The following FAM76A variants were observed in gnomAD, a reference collection of about 807,000 sequenced individuals.
FAM76A encodes the protein family with sequence similarity 76 member A.
Under a neutral mutation model 46.2 loss-of-function variants are expected in FAM76A, and 32 were observed. The ratio of observed to expected loss-of-function variants is 0.69; its 90% CI spans 0.52 to 0.93. FAM76A has a LOEUF of 0.93. Among genes scored for constraint, FAM76A ranks in the 40% least tolerant of loss-of-function variants. The pLI is 0.00. For missense variants in FAM76A, 274 were observed against 361.5 expected (o/e 0.76, Z 1.96); for synonymous variants, 137 against 127.0 (o/e 1.08, Z -0.53).
At chr1:27,733,271 A>G (rs1020855782) in intron 3 of FAM76A, among the ~76,000 whole-genome samples, 2 of 152,170 alleles carry the variant, frequency 1.3e-5, no homozygotes, top group Admixed American at 6.5e-5. Flanking sequence ...GTTTGGTAAC[A>G]GTTGACTAGT....
intron 7 of FAM76A, among the ~76,000 whole-genome samples, chr1:27,757,714 T>C (rs148114870): frequency 0.012 from 1,754 of 151,376 alleles, 19 homozygotes; most frequent in African/African-American, 0.034. Flanking sequence ...TGGTGGCTCA[T>C]GCCTGTAATC....
intron 4 of FAM76A, among the ~76,000 whole-genome samples, chr1:27,743,045 C>T (rs374879266): frequency 1.6e-4 from 25 of 152,168 alleles, no homozygotes; most frequent in East Asian, 7.7e-4. Flanking sequence ...GCCTGGGCAA[C>T]ACAGCAAGAC....
chr1:27,755,131 T>A, intron 6 of FAM76A, 64 bp from the exon 7 acceptor site: 3 of 1,589,034 alleles, frequency 1.9e-6, no homozygotes, highest in Non-Finnish European at 2.6e-6. Context: ...CTAGGATGCA[T>A]CCTCAGGTAG....
chr1:27,743,993 C>A (rs2088198579), intron 4 of FAM76A, among the ~76,000 whole-genome samples: 1 of 151,988 alleles, frequency 6.6e-6, no homozygotes, highest in African/African-American at 2.4e-5. Context: ...CATCTTCTGT[C>A]TTCTCTTCTC....
In FAM76A at chr1:27,761,641, T is replaced by C. The variant is rs1210624828; in HGVS notation, c.*1060T>C. The C allele has an allele frequency of 1.3e-5, 2 of 152,624 alleles. No individual in the cohort carries two copies. Among genetic ancestry groups the C allele is most frequent in the Non-Finnish European group, 1.5e-5 (1 of 68,032 alleles). 9.5% of individuals were successfully genotyped at this position (152,624 alleles called of 1,614,324 possible). A position where few individuals can be genotyped will look rare whatever the true frequency, so the allele number is the denominator to read the frequency against. ...ATACTGGGCTGCTGTCAGAGAATGT[T>C]TTTTTACATGAATGAACAGATTAAA... On this transcript the variant is annotated 3_prime_UTR_variant, in exon 9 of 9. Coordinates refer to ENST00000373954, the MANE Select transcript of FAM76A (RefSeq NM_152660.3).
At chr1:27,740,630 G>A (rs1318552586) in intron 4 of FAM76A, 1 of 621,824 alleles carries the variant, frequency 1.6e-6, no homozygotes, top group Non-Finnish European at 2.8e-6. Flanking sequence ...TGATCAGTGA[G>A]ACCACAAGGA....
chr1:27,735,132 A>G (rs1319621887), intron 4 of FAM76A, among the ~76,000 whole-genome samples: 1 of 151,798 alleles, frequency 6.6e-6, no homozygotes, highest in African/African-American at 2.4e-5. Context: ...TGCGGATCTC[A>G]CTCCGACCTT....
intron 6 of FAM76A, among the ~76,000 whole-genome samples, chr1:27,752,271 A>T (rs1361668931): frequency 1.3e-5 from 2 of 151,860 alleles, no homozygotes; most frequent in East Asian, 1.9e-4. Context: ...TTTTTTTTAG[A>T]CAGAACACAT....
intron 2 of FAM76A, among the ~76,000 whole-genome samples, chr1:27,729,650 A>G (rs768367399): frequency 1.2e-4 from 19 of 152,132 alleles, no homozygotes; most frequent in Non-Finnish European, 2.4e-4. Context: ...TCACTATATC[A>G]ATTCATTTTA....
chr1:27,748,681 C>T lies in FAM76A; in HGVS notation c.513-387C>T, dbSNP rs148554466. Among the ~76,000 whole-genome samples, 152 of 151,662 alleles carry T rather than the reference C, an allele frequency of 1.0e-3. 1 individual carries two copies. Among genetic ancestry groups the T allele is most frequent in the African/African-American group, 3.5e-3 (145 of 41,320 alleles). On this transcript the variant is annotated intron_variant, in intron 5 of 8. Transcript: ENST00000373954. Reference sequence around the variant, plus strand: ...TATTTTTAGTGGAGATGGGGTTTCACCGTGTTAGCCAGGATGGTCTCAATC... The same window carrying T: ...TATTTTTAGTGGAGATGGGGTTTCATCGTGTTAGCCAGGATGGTCTCAATC...
rs1553178990 is a variant in FAM76A at position 27,748,130 on chromosome 1, T to TTG, written c.513-937_513-936insGT. ...GTAAATGTAAAAGAAGTTTTTTTTT[T>TTG]TTTTTTTTTTTTTGAGACGGAGTCT... On this transcript the variant is annotated intron_variant, in intron 5 of 8. Transcript: ENST00000373954. Among the ~76,000 whole-genome samples the TTG allele has an allele frequency of 3.3e-3, 473 of 142,478 alleles. 2 individuals are homozygous for TTG. Among genetic ancestry groups the TTG allele is most frequent in the African/African-American group, 0.012 (453 of 37,598 alleles). The allele number at this position is 142,478 out of a possible 152,430, so 93.5% of individuals were successfully genotyped here.
At position 27,734,137 on chromosome 1, in the gene FAM76A, A is replaced by G. The variant is rs1237889069; in HGVS notation, c.308A>G (p.Gln103Arg). 6.2e-7 allele frequency: 1 copy of G among 1,609,230 alleles called. No individual in the cohort carries two copies. Among genetic ancestry groups the G allele is most frequent in the Non-Finnish European group, 8.5e-7 (1 of 1,178,536 alleles). Residue 103 changes from glutamine to arginine, a missense_variant, in exon 4 of 9, where the codon CAG becomes CGG. Physicochemically the swap from Gln to Arg is conservative, Grantham distance 43. Transcript: ENST00000373954. Reference sequence around the variant, plus strand: ...TATGGACCACCCTATTCTTGTGAACAGTGCAAGCAGCAGTGTGCATTTGAC... The same window carrying G: ...TATGGACCACCCTATTCTTGTGAACGGTGCAAGCAGCAGTGTGCATTTGAC... ...KKYGPPYSCE[Q>R]CKQQCAFDRK...
intron 7 of FAM76A, among the ~76,000 whole-genome samples, chr1:27,755,734 C>T (rs182028275): frequency 2.0e-4 from 31 of 152,146 alleles, no homozygotes; most frequent in Admixed American, 1.6e-3. Flanking sequence ...CCACTGTACC[C>T]GGCCAATTTT....
rs2148581849 is a variant in FAM76A, at chr1:27,749,051, A to G, written c.513-17A>G. On this transcript the variant is annotated splice_polypyrimidine_tract_variant and intron_variant, in intron 5 of 8. Transcript: ENST00000373954. ...TTTGATTTCTAATGTGTGTCTCTCT[A>G]TTTTTGCCATTAAAAGCCAGAAAAC... 1.3e-6 allele frequency: 2 copies of G among 1,536,372 alleles called. No homozygotes were observed. Among genetic ancestry groups the G allele is most frequent in the Middle Eastern group, 1.7e-4 (1 of 5,830 alleles).
chr1:27,756,283 AAT>A (rs1412534910), intron 7 of FAM76A, among the ~76,000 whole-genome samples: 3 of 152,096 alleles, frequency 2.0e-5, no homozygotes, highest in Non-Finnish European at 4.4e-5. Context: ...TTAATATTTT[AAT>A]ATCTTAGTTT....
intron 4 of FAM76A, among the ~76,000 whole-genome samples, chr1:27,735,906 G>T (rs1006524762): frequency 1.3e-5 from 2 of 152,108 alleles, no homozygotes; most frequent in African/African-American, 4.8e-5. Flanking sequence ...TACTAATCTG[G>T]TTATACTAGA....
intron 2 of FAM76A, among the ~76,000 whole-genome samples, chr1:27,728,178 A>G (rs987658913): frequency 1.3e-5 from 2 of 152,064 alleles, no homozygotes; most frequent in South Asian, 4.1e-4. Context: ...TTTGTCAAGA[A>G]GAAACCAATC....
At chr1:27,737,359 ATTG>A (rs2088067053) in intron 4 of FAM76A, among the ~76,000 whole-genome samples, 1 of 152,148 alleles carries the variant, frequency 6.6e-6, no homozygotes, top group Non-Finnish European at 1.5e-5. Flanking sequence ...GTAGAGTTGT[ATTG>A]TTTTAAACCC....
chr1:27,753,052 T>G (rs930203665), intron 6 of FAM76A, among the ~76,000 whole-genome samples: 9 of 152,116 alleles, frequency 5.9e-5, no homozygotes, highest in Non-Finnish European at 1.0e-4. Context: ...CCCAGCTACT[T>G]GAGAGGCTAA....
Sources: gnomAD v4.1 joint callset for allele counts (sites outside exome capture counted in the v4.1 genomes callset) on GRCh38, gnomAD v4.1.1 for gene constraint, MANE v1.5 for transcripts, NCBI Gene and HGNC (gene_info 2026-07-23, HGNC 2026-07-21) for gene names.